Variants in LMO7 observed in about 807,000 individuals in gnomAD.
LMO7 encodes the protein LIM domain only protein 7.
Under a neutral mutation model 206.5 loss-of-function variants are expected in LMO7, and 120 were observed. That is an observed-to-expected ratio of 0.58 (90% CI 0.50 to 0.68). The LOEUF is 0.68. LMO7 is among the 30% of genes least tolerant of loss of function. The probability of loss-of-function intolerance (pLI) is 0.00; values close to 1 mark genes in which losing one functional copy is unlikely to be tolerated. For missense variants in LMO7, 1,959 were observed against 1,957.9 expected (o/e 1.00, Z -0.01); for synonymous variants, 706 against 681.5 (o/e 1.04, Z -0.56).
At chr13:75,682,377 A>G (rs2040608978) in intron 1 of LMO7, among the ~76,000 whole-genome samples, 1 of 152,282 alleles carries the variant, frequency 6.6e-6, no homozygotes, top group East Asian at 1.9e-4. Flanking sequence ...AAGGGCTTGG[A>G]TTTTGTCTGA....
rs118081243 is a variant in LMO7, at chr13:75,794,947, C to A, written c.318-454C>A. Among the ~76,000 whole-genome samples, 18 of 151,940 alleles carry A rather than the reference C, an allele frequency of 1.2e-4. 1 individual carries two copies. In the South Asian group the frequency reaches 1.9e-3, roughly 16 times the overall value. On this transcript the variant is annotated intron_variant, in intron 4 of 30. Coordinates refer to ENST00000377534, the MANE Select transcript of LMO7 (RefSeq NM_001306080.2). ...AACCTTATGGATGATGAAAAAAAAACCCCATCAGTGCAAAAAACCCCTCGC... is the reference window on the plus strand; with the variant it reads ...AACCTTATGGATGATGAAAAAAAAAACCCATCAGTGCAAAAAACCCCTCGC...
intron 1 of LMO7, among the ~76,000 whole-genome samples, chr13:75,708,860 A>G (rs1410889607): frequency 1.3e-5 from 2 of 152,236 alleles, no homozygotes; most frequent in Middle Eastern, 3.4e-3. Flanking sequence ...GGTTAGTTAC[A>G]TATGTATACA....
At chr13:75,764,934 GT>G (rs569053120) in intron 4 of LMO7, among the ~76,000 whole-genome samples, 1 of 151,744 alleles carries the variant, frequency 6.6e-6, no homozygotes, top group Non-Finnish European at 1.5e-5. Flanking sequence ...AACGGAGTTT[GT>G]TTTTTTAAGT....
intron 1 of LMO7, among the ~76,000 whole-genome samples, chr13:75,666,023 C>T (rs1429031575): frequency 1.3e-5 from 2 of 152,166 alleles, no homozygotes; most frequent in East Asian, 1.9e-4. Flanking sequence ...TTAGGATACT[C>T]CTCCAAGTAA....
At position 75,713,207 on chromosome 13, in the gene LMO7, C is replaced by T. The variant is rs75385907; in HGVS notation, c.95C>T (p.Thr32Ile). 3 of 1,596,184 alleles carry T rather than the reference C, an allele frequency of 1.9e-6. No homozygotes were observed. The highest frequency in any genetic ancestry group is 1.3e-5 in the African/African-American group (1 of 74,356). ...VEAVTEKNFE[T>I]KDFRASLENG... Reference sequence around the variant, plus strand: ...GCAGTAACAGAGAAGAATTTTGAAACAAAAGATTTTCGAGCCTCTCTAGAA... The same window carrying T: ...GCAGTAACAGAGAAGAATTTTGAAATAAAAGATTTTCGAGCCTCTCTAGAA... Residue 32 changes from threonine (T) to isoleucine (I), a missense_variant, in exon 2 of 31, where the codon ACA becomes ATA. Transcript: ENST00000377534.
intron 1 of LMO7, among the ~76,000 whole-genome samples, chr13:75,643,158 GCT>G (rs1489225479): frequency 4.6e-5 from 7 of 152,202 alleles, no homozygotes; most frequent in African/African-American, 1.4e-4. Context: ...CATTGCTCTA[GCT>G]CTCTTTCTCT....
chr13:75,646,394 G>A (rs1040118690), intron 1 of LMO7, among the ~76,000 whole-genome samples: 36 of 152,040 alleles, frequency 2.4e-4, no homozygotes, highest in African/African-American at 8.2e-4. Flanking sequence ...ATCCGACTCT[G>A]CGCCCTCCTC....
chr13:75,681,757 T>C (rs1343972899), intron 1 of LMO7, among the ~76,000 whole-genome samples: 1 of 141,858 alleles, frequency 7.0e-6, no homozygotes, highest in Non-Finnish European at 1.5e-5. Context: ...TATGGAATCT[T>C]ATTATTTGTA....
intron 2 of LMO7, among the ~76,000 whole-genome samples, chr13:75,713,782 A>G (rs186583953): frequency 2.0e-4 from 30 of 152,320 alleles, no homozygotes; most frequent in Non-Finnish European, 8.8e-5. Context: ...GACTTTGCTT[A>G]CAAAGAAGTA....
At chr13:75,793,552 AG>A (rs1308583544) in intron 4 of LMO7, among the ~76,000 whole-genome samples, 1 of 152,188 alleles carries the variant, frequency 6.6e-6, no homozygotes, top group Admixed American at 6.5e-5. Flanking sequence ...CTGGGATTAC[AG>A]GCATGAGCCA....
rs1595146505 is a variant in LMO7 at position 75,805,525 on chromosome 13, G to A, written c.961G>A (p.Val321Ile). The A allele has an allele frequency of 6.2e-7, 1 of 1,613,998 alleles. No homozygotes were observed. Among genetic ancestry groups the A allele is most frequent in the South Asian group, 1.1e-5 (1 of 91,082 alleles). The change falls in exon 9 of 31, where the codon GTA becomes ATA. Residue 321 changes from valine to isoleucine, a missense_variant. Val to Ile is a conservative substitution (Grantham distance 29). Transcript: ENST00000377534. The part of the protein sequence containing the change: ...WGTNVENWPT[V>I]QGTSKSSCYL... ...CACCAATGTGGAGAACTGGCCAACT[G>A]TACAAGGAACTTCAAAGTCCTCTTG...
At position 75,841,129 on chromosome 13, in the gene LMO7, G is replaced by C; in HGVS notation, c.3603G>C (p.Gln1201His). Residue 1201 changes from glutamine (Q) to histidine (H), a missense_variant, in exon 23 of 31, where the codon CAG becomes CAC. Coordinates refer to ENST00000377534, the MANE Select transcript of LMO7 (RefSeq NM_001306080.2). Reference sequence around the variant, plus strand: ...TATAGGAAAAATATCAACGTGAGCAGGAGAAACTGAGGGAAGAGTGGCAAA... The same window carrying C: ...TATAGGAAAAATATCAACGTGAGCACGAGAAACTGAGGGAAGAGTGGCAAA... Reference protein sequence around the residue: ...RLLQEKYQREQEKLREEWQRA... With the variant: ...RLLQEKYQREHEKLREEWQRA... 1 of 1,612,226 alleles carries C rather than the reference G, an allele frequency of 6.2e-7. No homozygotes were observed. The highest frequency in any genetic ancestry group is 8.5e-7 in the Non-Finnish European group (1 of 1,178,454).
intron 3 of LMO7, among the ~76,000 whole-genome samples, chr13:75,730,327 A>G (rs61958148): frequency 0.098 from 14,873 of 152,186 alleles, 1,349 homozygotes; most frequent in East Asian, 0.29. Context: ...GTCTGTTCAG[A>G]GATTCAACTT....
upstream of LMO7, among the ~76,000 whole-genome samples, chr13:75,633,163 G>A (rs192600846): frequency 1.5e-3 from 228 of 151,992 alleles, 1 homozygote; most frequent in Admixed American, 2.7e-3. Flanking sequence ...GTGCCTCGCC[G>A]CACTTAAAAG....
At chr13:75,819,368 C>T (rs764798210) in intron 12 of LMO7, 25 bp from the exon 13 acceptor site, 8 of 1,574,064 alleles carry the variant, frequency 5.1e-6, no homozygotes, top group African/African-American at 1.4e-5. Context: ...CAGGTGTGCC[C>T]CTGCTGATGT....
chr13:75,842,249 G>A (rs529315452), intron 24 of LMO7, among the ~76,000 whole-genome samples: 3 of 152,240 alleles, frequency 2.0e-5, no homozygotes, highest in East Asian at 3.9e-4. Flanking sequence ...TTACCTTGTA[G>A]TACCTCTACT....
chr13:75,717,518 G>A (rs890232888), intron 2 of LMO7, among the ~76,000 whole-genome samples: 4 of 151,706 alleles, frequency 2.6e-5, no homozygotes, highest in African/African-American at 9.7e-5. Flanking sequence ...GACCACAACA[G>A]TATCTGCCTA....
chr13:75,771,569 A>ACTTTAAAAACAGAATTTTTAAAGC, intron 4 of LMO7, among the ~76,000 whole-genome samples: 1 of 152,210 alleles, frequency 6.6e-6, no homozygotes, highest in Non-Finnish European at 1.5e-5. Flanking sequence ...ATTTTTAAAG[A>ACTTTAAAAACAGAATTTTTAAAGC]CTTTAAAAAC....
chr13:75,777,896 C>T (rs531488566), intron 4 of LMO7, among the ~76,000 whole-genome samples: 10 of 152,150 alleles, frequency 6.6e-5, no homozygotes, highest in African/African-American at 2.2e-4. Flanking sequence ...CCGCCCGCCT[C>T]GGCCTCCCAA....
Sources: allele counts gnomAD v4.1 joint callset (sites outside exome capture counted in the v4.1 genomes callset), GRCh38; gene constraint gnomAD v4.1.1; transcripts MANE v1.5; gene names NCBI Gene and HGNC (gene_info 2026-07-23, HGNC 2026-07-21).